Variants in SNTB2 observed in about 807,000 individuals in gnomAD.
SNTB2 encodes the protein beta-2-syntrophin.
A neutral mutation model predicts 46.2 loss-of-function variants in SNTB2; 34 were observed. The observed-to-expected ratio is 0.74, with a 90% CI of 0.56 to 0.98. The LOEUF is 0.98. Among genes scored for constraint, SNTB2 ranks in the 50% least tolerant of loss-of-function variants. The probability of loss-of-function intolerance (pLI) is 0.00; values close to 1 mark genes in which losing one functional copy is unlikely to be tolerated. For missense variants in SNTB2, 603 were observed against 731.4 expected (o/e 0.82, Z 2.02); for synonymous variants, 290 against 312.6 (o/e 0.93, Z 0.76).
chr16:69,260,173 G>A lies in SNTB2; in HGVS notation c.918G>A (p.Val306=), dbSNP rs1320534807. The A allele has an allele frequency of 1.2e-6, 2 of 1,614,154 alleles. No individual in the cohort carries two copies. Among genetic ancestry groups the A allele is most frequent in the Non-Finnish European group, 1.7e-6 (2 of 1,180,034 alleles). ...ACATAATGGCTCTCCTCCCACAGGT[G>A]TTGGCTGAACTCAACGCCATGCTTG... The part of the protein sequence containing the change: ...HTNIMALLPQ[V]LAELNAMLGA... The change falls in exon 3 of 7, where the codon GTG becomes GTA. Residue 306 remains valine, a synonymous_variant. Coordinates refer to ENST00000336278, the MANE Select transcript of SNTB2 (RefSeq NM_006750.4).
Position 69,260,267 on chromosome 16 carries a change from T to G in SNTB2, c.1005+7T>G. The G allele has an allele frequency of 6.2e-7, 1 of 1,613,684 alleles. No individual in the cohort carries two copies. Among genetic ancestry groups the G allele is most frequent in the Non-Finnish European group, 8.5e-7 (1 of 1,179,754 alleles). ...TGCCTGGCTGGCAGAACAGGTAGGC[T>G]GGGAGGCAGGGCAGAGTATCACCTG... On this transcript the variant is annotated splice_region_variant and intron_variant, in intron 3 of 6. Coordinates refer to ENST00000336278, the MANE Select transcript of SNTB2 (RefSeq NM_006750.4).
At chr16:69,217,555 G>T (rs1964361133) in intron 1 of SNTB2, among the ~76,000 whole-genome samples, 1 of 152,160 alleles carries the variant, frequency 6.6e-6, no homozygotes, top group South Asian at 2.1e-4. Context: ...GATAAAAGCT[G>T]ACTACTTCAG....
chr16:69,287,556 T>C (rs1375681924), intron 5 of SNTB2, among the ~76,000 whole-genome samples: 1 of 150,034 alleles, frequency 6.7e-6, no homozygotes, highest in Non-Finnish European at 1.5e-5. Flanking sequence ...GGAGATAGAG[T>C]GAGACTGTTT....
intron 1 of SNTB2, among the ~76,000 whole-genome samples, chr16:69,211,199 C>A (rs947017379): frequency 1.3e-5 from 2 of 151,860 alleles, no homozygotes; most frequent in African/African-American, 4.8e-5. Flanking sequence ...GAAAAAAAAT[C>A]TATTAATTGG....
intron 1 of SNTB2, among the ~76,000 whole-genome samples, chr16:69,191,752 T>C (rs1964057031): frequency 6.6e-6 from 1 of 151,954 alleles, no homozygotes; most frequent in Admixed American, 6.6e-5. Flanking sequence ...GCCATTCTGC[T>C]GCCTCAGCCT....
At chr16:69,275,324 C>T (rs1964977220) in intron 4 of SNTB2, among the ~76,000 whole-genome samples, 1 of 152,146 alleles carries the variant, frequency 6.6e-6, no homozygotes, top group Non-Finnish European at 1.5e-5. Context: ...CTCTCAGTCT[C>T]CCAAATTTCT....
chr16:69,269,824 C>G (rs1455891572), intron 3 of SNTB2, among the ~76,000 whole-genome samples: 2 of 152,060 alleles, frequency 1.3e-5, no homozygotes, highest in Non-Finnish European at 2.9e-5. Flanking sequence ...CGCCTGTAAT[C>G]CCAGCACTTT....
chr16:69,258,264 T>C, intron 2 of SNTB2, among the ~76,000 whole-genome samples: 1 of 152,172 alleles, frequency 6.6e-6, no homozygotes, highest in African/African-American at 2.4e-5. Context: ...TTTTAAAAGA[T>C]ATATATGTTC....
At chr16:69,249,353 G>A (rs1964703607) in intron 2 of SNTB2, among the ~76,000 whole-genome samples, 1 of 152,104 alleles carries the variant, frequency 6.6e-6, no homozygotes. Context: ...ATAGGTACCT[G>A]TAGTGCTGCT....
chr16:69,203,810 C>A (rs1419411889), intron 1 of SNTB2, among the ~76,000 whole-genome samples: 1 of 151,802 alleles, frequency 6.6e-6, no homozygotes, highest in Non-Finnish European at 1.5e-5. Flanking sequence ...TCTTCTTGCC[C>A]AGGCTGGAGT....
At chr16:69,213,737 T>C (rs1964314711) in intron 1 of SNTB2, among the ~76,000 whole-genome samples, 1 of 150,652 alleles carries the variant, frequency 6.6e-6, no homozygotes, top group Admixed American at 6.6e-5. Context: ...TGACCTTGTG[T>C]TCCACCCGCC....
At position 69,210,185 on chromosome 16, in the gene SNTB2, G is replaced by T. The variant is rs540105755; in HGVS notation, c.580+22439G>T. ...TTACAGGTGCACACCACCATGCCTG[G>T]CTAACTTTGTATTTTTAGTAGAGAA... On this transcript the variant is annotated intron_variant, in intron 1 of 6. Coordinates refer to ENST00000336278, the MANE Select transcript of SNTB2 (RefSeq NM_006750.4). Among the ~76,000 whole-genome samples the T allele has an allele frequency of 1.2e-4, 18 of 151,028 alleles. No individual in the cohort carries two copies. In the East Asian group the frequency reaches 3.5e-3, roughly 29 times the overall value.
At chr16:69,257,480 T>C (rs908362817) in intron 2 of SNTB2, among the ~76,000 whole-genome samples, 1 of 151,852 alleles carries the variant, frequency 6.6e-6, no homozygotes, top group Non-Finnish European at 1.5e-5. Flanking sequence ...GGAGTCTTGC[T>C]CTGCTGCCCA....
At chr16:69,264,985 C>T (rs1445235274) in intron 3 of SNTB2, among the ~76,000 whole-genome samples, 4 of 152,222 alleles carry the variant, frequency 2.6e-5, no homozygotes, top group Non-Finnish European at 4.4e-5. Flanking sequence ...CACGGTGGCT[C>T]ATGCCTGTAA....
At chr16:69,227,708 G>A (rs1964472388) in intron 1 of SNTB2, among the ~76,000 whole-genome samples, 1 of 152,214 alleles carries the variant, frequency 6.6e-6, no homozygotes, top group African/African-American at 2.4e-5. Flanking sequence ...AACAAAAACT[G>A]TGACATATGG....
In SNTB2 at chr16:69,270,195, CTG is replaced by C. The variant is rs748300018; in HGVS notation, c.1059_1060del (p.Lys355GlyfsTer6). The C allele has an allele frequency of 6.2e-7, 1 of 1,614,064 alleles. No homozygotes were observed. Among genetic ancestry groups the C allele is most frequent in the South Asian group, 1.1e-5 (1 of 91,076 alleles). ...TGGAGACCTGTCCTCATGGCTGTGACTGAGAAGGATTTGCTGCTCTATGACTG... is the reference window on the plus strand; with the variant it reads ...TGGAGACCTGTCCTCATGGCTGTGACAGAAGGATTTGCTGCTCTATGACTG... On this transcript the variant is annotated frameshift_variant, in exon 4 of 7. Coordinates refer to ENST00000336278, the MANE Select transcript of SNTB2 (RefSeq NM_006750.4). LOFTEE classifies it high-confidence loss of function.
chr16:69,189,598 G>A (rs1186479330), intron 1 of SNTB2, among the ~76,000 whole-genome samples: 2 of 152,132 alleles, frequency 1.3e-5, no homozygotes, highest in Non-Finnish European at 2.9e-5. Context: ...TTAGCCAGGC[G>A]TGGTGGCAGA....
intron 2 of SNTB2, among the ~76,000 whole-genome samples, chr16:69,256,789 A>G (rs1964780907): frequency 6.6e-6 from 1 of 152,196 alleles, no homozygotes; most frequent in African/African-American, 2.4e-5. Context: ...GGGTGTACAA[A>G]TGTCTCATAA....
chr16:69,255,410 A>G (rs1255199115), intron 2 of SNTB2, among the ~76,000 whole-genome samples: 1 of 151,980 alleles, frequency 6.6e-6, no homozygotes, highest in Non-Finnish European at 1.5e-5. Flanking sequence ...AAATACAAAA[A>G]ATTAGCCTGG....
Sources: gnomAD v4.1 joint callset for allele counts (sites outside exome capture counted in the v4.1 genomes callset) on GRCh38, gnomAD v4.1.1 for gene constraint, MANE v1.5 for transcripts, NCBI Gene and HGNC (gene_info 2026-07-23, HGNC 2026-07-21) for gene names.